The following ZNF57 variants were observed in gnomAD, a reference collection of about 807,000 sequenced individuals.
The protein encoded by ZNF57 is zinc finger protein 57.
In ZNF57, 11 loss-of-function variants were observed where a neutral mutation model predicts 13.4. That is an observed-to-expected ratio of 0.82 (90% CI 0.52 to 1.36). The LOEUF (loss-of-function observed/expected upper bound fraction) is 1.36. ZNF57 is among the 40% of genes most tolerant of loss of function. The pLI is 0.00. For missense variants in ZNF57, 696 were observed against 667.5 expected, an observed-to-expected ratio of 1.04 and a Z score of -0.47; for synonymous variants, 224 against 238.5, an observed-to-expected ratio of 0.94 and a Z score of 0.56.
intron 1 of ZNF57, among the ~76,000 whole-genome samples, chr19:2,904,900 C>T (rs1172244518): frequency 3.3e-5 from 5 of 152,138 alleles, no homozygotes; most frequent in Non-Finnish European, 7.4e-5. Flanking sequence ...CATGCCTGGA[C>T]GTTGTAAGAA....
At chr19:2,911,611 C>A (rs2088137411) in intron 1 of ZNF57, among the ~76,000 whole-genome samples, 1 of 152,110 alleles carries the variant, frequency 6.6e-6, no homozygotes, top group Non-Finnish European at 1.5e-5. Flanking sequence ...GTCTTGAACT[C>A]CTGGCCTCAA....
intron 1 of ZNF57, 112 bp from the exon 2 acceptor site, chr19:2,915,410 A>T: frequency 7.2e-7 from 1 of 1,390,308 alleles, no homozygotes; most frequent in Non-Finnish European, 9.8e-7. Flanking sequence ...TTCGCGTCAT[A>T]GAGGAGGTGT....
chr19:2,908,751 TGAG>T (rs2088100437), intron 1 of ZNF57, among the ~76,000 whole-genome samples: 1 of 152,072 alleles, frequency 6.6e-6, no homozygotes, highest in South Asian at 2.1e-4. Context: ...ACAGTCAACT[TGAG>T]GACATTTCCA....
At chr19:2,901,093 G>C in intron 1 of ZNF57, 45 bp downstream of exon 1, 1 of 1,497,890 alleles carries the variant, frequency 6.7e-7, no homozygotes, top group Non-Finnish European at 8.9e-7. Flanking sequence ...TCGGAGCGAC[G>C]GGAACCGGCT....
chr19:2,908,461 G>GTTTTTTTTTTTTTTTTTTTTTTTTGTT (rs60289248), intron 1 of ZNF57, among the ~76,000 whole-genome samples: 2 of 122,640 alleles, frequency 1.6e-5, no homozygotes, highest in Non-Finnish European at 1.6e-5. Context: ...TATTTTTTTG[G>GTTTTTTTTTTTTTTTTTTTTTTTTGTT]TTTTTTTTTT....
At position 2,918,395 on chromosome 19, in the gene ZNF57, G is replaced by A; in HGVS notation, c.*106G>A. ...ATCTTACAAGTATGATATTGTCTTT[G>A]TCAATACCTCATTTGTAAAACAGAC... On this transcript the variant is annotated 3_prime_UTR_variant, in exon 4 of 4. Transcript: ENST00000306908. 8.0e-7 allele frequency: 1 copy of A among 1,243,748 alleles called. No individual in the cohort carries two copies. The highest frequency in any genetic ancestry group is 2.5e-5 in the Admixed American group (1 of 39,472). 77.0% of individuals were successfully genotyped at this position (1,243,748 alleles called of 1,614,324 possible). A position where few individuals can be genotyped will look rare whatever the true frequency, so the allele number is the denominator to read the frequency against.
At chr19:2,904,801 C>A (rs967596569) in intron 1 of ZNF57, among the ~76,000 whole-genome samples, 2 of 152,154 alleles carry the variant, frequency 1.3e-5, no homozygotes, top group African/African-American at 2.4e-5. Context: ...CTCAGCCTCC[C>A]AAAGTGCTGG....
chr19:2,911,687 A>G (rs1206842243), intron 1 of ZNF57, among the ~76,000 whole-genome samples: 3 of 152,104 alleles, frequency 2.0e-5, no homozygotes, highest in Non-Finnish European at 4.4e-5. Context: ...CACCCAACCT[A>G]GAAGTTTTCA....
chr19:2,909,095 G>C (rs11084972), intron 1 of ZNF57, among the ~76,000 whole-genome samples: 66,652 of 151,596 alleles, frequency 0.44, 15,064 homozygotes, highest in East Asian at 0.63. Flanking sequence ...TTGTTTATCA[G>C]TTGATCAACT....
intron 1 of ZNF57, among the ~76,000 whole-genome samples, chr19:2,914,016 C>T (rs1024891118): frequency 4.6e-5 from 7 of 152,160 alleles, no homozygotes; most frequent in East Asian, 3.8e-4. Flanking sequence ...TTTTACAGAA[C>T]GTTCTTCTGC....
chr19:2,902,377 G>C (rs2088037797), intron 1 of ZNF57, among the ~76,000 whole-genome samples: 1 of 152,104 alleles, frequency 6.6e-6, no homozygotes, highest in African/African-American at 2.4e-5. Flanking sequence ...AAATGTTCAA[G>C]TGTGTTTTCT....
rs776054886 is a variant in ZNF57, at chr19:2,917,626, C to T, written c.1005C>T (p.Leu335=). The T allele has an allele frequency of 1.2e-6, 2 of 1,613,724 alleles. No individual in the cohort carries two copies. The highest frequency in any genetic ancestry group is 1.7e-6 in the Non-Finnish European group (2 of 1,179,772). Residue 335 remains leucine, a synonymous_variant, in exon 4 of 4, where the codon CTC becomes CTT. Transcript: ENST00000306908. ...VHMRIHTGDK[L]YKCEHCGKAF... ...TGAGGATCCACACTGGGGACAAACTCTATAAATGTGAACACTGTGGGAAGG... is the reference window on the plus strand; with the variant it reads ...TGAGGATCCACACTGGGGACAAACTTTATAAATGTGAACACTGTGGGAAGG...
rs962605198 is a variant in ZNF57 at position 2,907,985 on chromosome 19, A to G, written c.3+6937A>G. On this transcript the variant is annotated intron_variant, in intron 1 of 3. Coordinates refer to ENST00000306908, the MANE Select transcript of ZNF57 (RefSeq NM_173480.3). ...TGCCTCGGCCTCCCAAAATGCTGGG[A>G]TTATGGGCATGAACCACCTCACAGG... is the stretch of plus-strand genomic sequence containing the variant. Among the ~76,000 whole-genome samples, 9 of 152,306 alleles carry G rather than the reference A, an allele frequency of 5.9e-5. No homozygotes were observed. In the South Asian group the frequency reaches 1.9e-3, roughly 32 times the overall value.
chr19:2,908,566 C>T (rs144589765), intron 1 of ZNF57, among the ~76,000 whole-genome samples: 52 of 150,030 alleles, frequency 3.5e-4, no homozygotes, highest in Non-Finnish European at 6.0e-4. Context: ...ACTACAGGCA[C>T]CCGTCACCAC....
intron 1 of ZNF57, among the ~76,000 whole-genome samples, chr19:2,908,949 A>G: frequency 6.6e-6 from 1 of 151,996 alleles, no homozygotes; most frequent in Non-Finnish European, 1.5e-5. Context: ...TTTCATATGA[A>G]TGGAATCCTA....
In ZNF57 at chr19:2,906,025, G is replaced by A. The variant is rs554667811; in HGVS notation, c.3+4977G>A. Among the ~76,000 whole-genome samples, 10 of 152,100 alleles carry A rather than the reference G, an allele frequency of 6.6e-5. No homozygotes were observed. In the East Asian group the frequency reaches 9.6e-4, roughly 15 times the overall value. ...ATTTCTCTCTCCTTTGATGTCATTC[G>A]GTAGTGTTTTATAATTGTTCCATGA... On this transcript the variant is annotated intron_variant, in intron 1 of 3. Coordinates refer to ENST00000306908, the MANE Select transcript of ZNF57 (RefSeq NM_173480.3).
At position 2,901,490 on chromosome 19, in the gene ZNF57, A is replaced by C. The variant is rs111628802; in HGVS notation, c.3+442A>C. On this transcript the variant is annotated intron_variant, in intron 1 of 3. Transcript: ENST00000306908. Reference sequence around the variant, plus strand: ...GCTGAGTCTGAGAAAGGACTCAGCAAAGGGTGATGGGATTATTATTGGTTT... The same window carrying C: ...GCTGAGTCTGAGAAAGGACTCAGCACAGGGTGATGGGATTATTATTGGTTT... Among the ~76,000 whole-genome samples the C allele has an allele frequency of 6.3e-3, 958 of 151,796 alleles. 11 individuals are homozygous for C. The highest frequency in any genetic ancestry group is 0.022 in the African/African-American group (909 of 41,416).
At chr19:2,904,751 A>G (rs2088058772) in intron 1 of ZNF57, among the ~76,000 whole-genome samples, 1 of 152,126 alleles carries the variant, frequency 6.6e-6, no homozygotes, top group Non-Finnish European at 1.5e-5. Context: ...AATGTTGGCC[A>G]GGTTGGTCTC....
At chr19:2,905,408 C>CA (rs2088064619) in intron 1 of ZNF57, among the ~76,000 whole-genome samples, 1 of 30,676 alleles carries the variant, frequency 3.3e-5, no homozygotes, top group African/African-American at 9.9e-5. Context: ...CAGGTGATCG[C>CA]CCCCCCCCCC....
Sources: allele counts gnomAD v4.1 joint callset (sites outside exome capture counted in the v4.1 genomes callset), GRCh38; gene constraint gnomAD v4.1.1; transcripts MANE v1.5; gene names NCBI Gene and HGNC (gene_info 2026-07-23, HGNC 2026-07-21).